TESK2: variants seen among roughly 807,000 people sequenced by gnomAD.
TESK2 encodes dual specificity testis-specific protein kinase 2.
A neutral mutation model predicts 57.1 loss-of-function variants in TESK2; 39 were observed. The observed-to-expected ratio is 0.68, with a 90% confidence interval of 0.53 to 0.89. The LOEUF is 0.89. Among genes scored for constraint, TESK2 ranks in the 40% least tolerant of loss-of-function variants. The pLI is 0.00. For missense variants in TESK2, 646 were observed against 732.1 expected, an observed-to-expected ratio of 0.88 and a Z score of 1.36; for synonymous variants, 249 against 267.9, an observed-to-expected ratio of 0.93 and a Z score of 0.69.
chr1:45,459,396 T>G (rs1338406853), intron 1 of TESK2, among the ~76,000 whole-genome samples: 1 of 152,200 alleles, frequency 6.6e-6, no homozygotes, highest in Non-Finnish European at 1.5e-5. Flanking sequence ...GAGATCTACC[T>G]GAATCTAGTT....
intron 2 of TESK2, among the ~76,000 whole-genome samples, chr1:45,435,943 G>A (rs981263481): frequency 1.3e-5 from 2 of 151,704 alleles, no homozygotes; most frequent in Non-Finnish European, 2.9e-5. Flanking sequence ...TTGAAAATCA[G>A]TTGGCTGTAA....
chr1:45,466,310 A>G (rs1652549592), intron 1 of TESK2, among the ~76,000 whole-genome samples: 1 of 152,108 alleles, frequency 6.6e-6, no homozygotes. Flanking sequence ...CCCTGTATCT[A>G]CTAAAAATGC....
chr1:45,349,564 A>G (rs1200374897), intron 5 of TESK2, among the ~76,000 whole-genome samples: 1 of 152,214 alleles, frequency 6.6e-6, no homozygotes, highest in African/African-American at 2.4e-5. Context: ...TGCCTACACT[A>G]AGCAGTAAGA....
At chr1:45,470,464 G>C (rs1652715758) in intron 1 of TESK2, among the ~76,000 whole-genome samples, 1 of 152,062 alleles carries the variant, frequency 6.6e-6, no homozygotes, top group South Asian at 2.1e-4. Context: ...CAAACCAAAG[G>C]CAATCTAGCA....
At chr1:45,443,622 A>G (rs1651534725) in intron 2 of TESK2, among the ~76,000 whole-genome samples, 1 of 148,958 alleles carries the variant, frequency 6.7e-6, no homozygotes, top group Non-Finnish European at 1.5e-5. Flanking sequence ...ACATAAATCC[A>G]CACTCTAATT....
chr1:45,399,739 C>A (rs1441152378), intron 3 of TESK2, among the ~76,000 whole-genome samples: 1 of 152,170 alleles, frequency 6.6e-6, no homozygotes, highest in Non-Finnish European at 1.5e-5. Flanking sequence ...GGCACGAAGA[C>A]ACTGCACCCT....
intron 2 of TESK2, among the ~76,000 whole-genome samples, chr1:45,437,600 T>A (rs935587605): frequency 6.6e-6 from 1 of 152,136 alleles, no homozygotes; most frequent in Non-Finnish European, 1.5e-5. Flanking sequence ...ATAGGAGTGG[T>A]GAAAGTGAGC....
At chr1:45,354,570 G>A (rs976026009) in intron 5 of TESK2, among the ~76,000 whole-genome samples, 2 of 151,582 alleles carry the variant, frequency 1.3e-5, no homozygotes, top group African/African-American at 4.8e-5. Context: ...AGGTTGCAGT[G>A]AGCCAAGATC....
intron 2 of TESK2, among the ~76,000 whole-genome samples, chr1:45,440,565 AAT>A (rs1651402794): frequency 6.6e-6 from 1 of 151,934 alleles, no homozygotes; most frequent in African/African-American, 2.4e-5. Flanking sequence ...AATATAAAAA[AAT>A]TAGCTGGGCA....
intron 2 of TESK2, among the ~76,000 whole-genome samples, chr1:45,447,512 T>A (rs1651689387): frequency 6.6e-6 from 1 of 152,136 alleles, no homozygotes; most frequent in Non-Finnish European, 1.5e-5. Context: ...TATCATATCC[T>A]ATGATAACAG....
intron 2 of TESK2, among the ~76,000 whole-genome samples, chr1:45,437,429 T>C (rs1651279045): frequency 6.6e-6 from 1 of 152,218 alleles, no homozygotes; most frequent in Non-Finnish European, 1.5e-5. Flanking sequence ...ACTGAATTTA[T>C]CAGATCTAAA....
chr1:45,429,113 G>A (rs779181146), intron 2 of TESK2, among the ~76,000 whole-genome samples: 4 of 152,152 alleles, frequency 2.6e-5, no homozygotes, highest in African/African-American at 7.2e-5. Context: ...GAGCCACCGC[G>A]CCCGGCCCCT....
rs948536624 is a variant in TESK2, at chr1:45,491,041, T to G, written c.-276A>C. 6.6e-6 allele frequency: 1 copy of G among 152,280 alleles called. No individual in the cohort carries two copies. The highest frequency in any genetic ancestry group is 1.5e-5 in the Non-Finnish European group (1 of 68,098). The allele number at this position is 152,280 out of a possible 1,614,324, so 9.4% of individuals were successfully genotyped here. On this transcript the variant is annotated 5_prime_UTR_variant, in exon 1 of 11. Transcript: ENST00000372086. The stretch of plus-strand genomic sequence containing the variant: ...TAGCGGCGGCGGCGAACGAGGAGAC[T>G]ACTGCCATGGCCCCACAGTCGGGGC...
chr1:45,490,288 C>A (rs527764543), intron 1 of TESK2, among the ~76,000 whole-genome samples: 2 of 152,246 alleles, frequency 1.3e-5, no homozygotes, highest in South Asian at 4.1e-4. Flanking sequence ...GTAGCGAAAT[C>A]TGAACACTGG....
At chr1:45,404,525 G>A (rs561062437) in intron 3 of TESK2, among the ~76,000 whole-genome samples, 1 of 151,942 alleles carries the variant, frequency 6.6e-6, no homozygotes, top group African/African-American at 2.4e-5. Flanking sequence ...TATGTGATAA[G>A]TATATTTCTA....
chr1:45,390,217 G>C (rs188666420), intron 3 of TESK2, among the ~76,000 whole-genome samples: 49 of 152,230 alleles, frequency 3.2e-4, no homozygotes, highest in African/African-American at 1.0e-3. Flanking sequence ...GATCTCTTGA[G>C]CCCAGGAGAT....
At chr1:45,394,910 G>C (rs527688905) in intron 3 of TESK2, among the ~76,000 whole-genome samples, 3 of 151,344 alleles carry the variant, frequency 2.0e-5, no homozygotes, top group African/African-American at 7.3e-5. Context: ...GGCTGGTCTC[G>C]AACTCCTGAC....
intron 1 of TESK2, among the ~76,000 whole-genome samples, chr1:45,458,300 C>T (rs570569226): frequency 2.1e-4 from 32 of 152,300 alleles, no homozygotes; most frequent in Non-Finnish European, 4.1e-4. Context: ...TGCAGTGGCT[C>T]ACGCCTGTAA....
At chr1:45,367,360 G>A (rs1647970382) in intron 4 of TESK2, among the ~76,000 whole-genome samples, 1 of 150,440 alleles carries the variant, frequency 6.6e-6, no homozygotes, top group Middle Eastern at 3.2e-3. Context: ...AAACGGCATC[G>A]CCACCCACCT....
Sources: gnomAD v4.1 joint callset for allele counts (sites outside exome capture counted in the v4.1 genomes callset) on GRCh38, gnomAD v4.1.1 for gene constraint, MANE v1.5 for transcripts, NCBI Gene and HGNC (gene_info 2026-07-23, HGNC 2026-07-21) for gene names.